The following GABRD variants were observed in gnomAD, a reference collection of about 807,000 sequenced individuals.
GABRD encodes the protein gamma-aminobutyric acid type A receptor subunit delta.
GABRD carries 25 observed loss-of-function variants against 47.3 expected under a neutral mutation model. That is an observed-to-expected ratio of 0.53 (90% CI 0.39 to 0.74). GABRD has a LOEUF of 0.74. Ranked by LOEUF, GABRD falls within the 30% of genes least tolerant of loss-of-function variation. GABRD has a pLI of 0.00. For synonymous variants in GABRD, 314 were observed against 278.8 expected (o/e 1.13, Z -1.26); for missense variants, 497 against 643.4 (o/e 0.77, Z 2.46).
Position 2,024,917 on chromosome 1 carries a change from C to T in GABRD, c.69-25C>T, listed in dbSNP as rs753691300. On this transcript the variant is annotated intron_variant, in intron 1 of 8. Coordinates refer to ENST00000378585, the MANE Select transcript of GABRD (RefSeq NM_000815.5). ...GGAATTAAATTAAGTCCTGGCCTGT[C>T]TGACCGGTGGCTTTGCATCCCCAGA... 5.8e-6 allele frequency: 9 copies of T among 1,541,566 alleles called. No homozygotes were observed. In the Admixed American group the frequency reaches 1.3e-4, roughly 23 times the overall value.
intron 7 of GABRD, 68 bp downstream of exon 7, chr1:2,029,334 C>T (rs1276832855): frequency 1.3e-6 from 2 of 1,493,194 alleles, no homozygotes; most frequent in Non-Finnish European, 1.8e-6. Flanking sequence ...CTCCCCATCC[C>T]TCGGCTGGGG....
intron 4 of GABRD, chr1:2,027,048 T>G (rs1431760025): frequency 1.5e-5 from 3 of 203,928 alleles, no homozygotes; most frequent in African/African-American, 7.2e-5. Context: ...TCTCAGCTAC[T>G]CGGGAGGCTG....
In GABRD at chr1:2,028,103, G is replaced by A. The variant is rs1658978314; in HGVS notation, c.554-52G>A. 1 of 1,579,686 alleles carries A rather than the reference G, an allele frequency of 6.3e-7. No individual in the cohort carries two copies. The highest frequency in any genetic ancestry group is 1.7e-5 in the Admixed American group (1 of 57,902). ...GTGTGGACGGAGCGCTCCTGCCAGG[G>A]CTCCCGGGGCAGGGCCGGGCTCTGC... On this transcript the variant is annotated intron_variant, in intron 5 of 8. Coordinates refer to ENST00000378585, the MANE Select transcript of GABRD (RefSeq NM_000815.5). The surrounding 1 kb of genome is among the most constrained non-coding windows in gnomAD (Gnocchi z 6.4).
rs774201718 is a variant in GABRD, at chr1:2,029,637, G to A, written c.934G>A (p.Val312Ile). 7.7e-5 allele frequency: 124 copies of A among 1,613,472 alleles called. No homozygotes were observed. Among genetic ancestry groups the A allele is most frequent in the Non-Finnish European group, 9.6e-5 (113 of 1,180,000 alleles). ...PRASAIKALD[V>I]YFWICYVFVF... Reference sequence around the variant, plus strand: ...GGCATCAGCCATCAAGGCACTGGACGTCTACTTCTGGATCTGCTATGTCTT... The same window carrying A: ...GGCATCAGCCATCAAGGCACTGGACATCTACTTCTGGATCTGCTATGTCTT... The change falls in exon 8 of 9, where the codon GTC becomes ATC. Residue 312 changes from valine to isoleucine, a missense_variant. This residue lies in a region of GABRD where 285 missense variants were observed against 436.6 expected (regional missense o/e 0.65). Transcript: ENST00000378585.
chr1:2,021,077 G>A (rs1165886844), intron 1 of GABRD, among the ~76,000 whole-genome samples: 1 of 152,222 alleles, frequency 6.6e-6, no homozygotes, highest in Non-Finnish European at 1.5e-5. Flanking sequence ...GGCCCAGCCA[G>A]GAGTGGGGGG....
chr1:2,019,599 C>T (rs1658718646), intron 1 of GABRD, 108 bp downstream of exon 1: 11 of 634,574 alleles, frequency 1.7e-5, no homozygotes, highest in Non-Finnish European at 2.0e-5. Context: ...GGCCCCGGAC[C>T]CCAAGTCTGA....
intron 4 of GABRD, 117 bp from the exon 5 acceptor site, chr1:2,027,460 G>A (rs539385265): frequency 1.3e-6 from 1 of 792,502 alleles, no homozygotes; most frequent in East Asian, 2.7e-5. Context: ...AACACAGTCT[G>A]AGAAGTAGCT....
In GABRD at chr1:2,029,511, A is replaced by G; in HGVS notation, c.848-40A>G. ...ATCAAGGCTGGGATGGGGCGGCGTG[A>G]GGGCAGGGCTACGACAATGGCACCA... On this transcript the variant is annotated intron_variant, in intron 7 of 8. Transcript: ENST00000378585. 3.7e-6 allele frequency: 6 copies of G among 1,604,966 alleles called. No homozygotes were observed. The East Asian group carries it at 1.3e-4, about 36-fold the overall frequency.
chr1:2,030,176 G>T lies in GABRD; in HGVS notation c.1253G>T (p.Arg418Leu). ...GGAGGCCAGGGGGGCATCCGTGCCCGGCTCAGGCCCATCGACGCAGACACC... is the reference window on the plus strand; with the variant it reads ...GGAGGCCAGGGGGGCATCCGTGCCCTGCTCAGGCCCATCGACGCAGACACC... ...RSGGQGGIRA[R>L]LRPIDADTID... Residue 418 changes from arginine (R) to leucine (L), a missense_variant, in exon 9 of 9, where the codon CGG becomes CTG. Transcript: ENST00000378585. 6.4e-7 allele frequency: 1 copy of T among 1,570,284 alleles called. No individual in the cohort carries two copies. Among genetic ancestry groups the T allele is most frequent in the African/African-American group, 1.4e-5 (1 of 73,574 alleles).
rs774300906 is a variant in GABRD, at chr1:2,029,532, C to T, written c.848-19C>T. On this transcript the variant is annotated intron_variant, in intron 7 of 8. Coordinates refer to ENST00000378585, the MANE Select transcript of GABRD (RefSeq NM_000815.5). ...CGTGAGGGCAGGGCTACGACAATGG[C>T]ACCACCTGTGCCCGGCAGGCATCAC... The T allele has an allele frequency of 5.0e-6, 8 of 1,610,828 alleles. No individual in the cohort carries two copies. Among genetic ancestry groups the T allele is most frequent in the Admixed American group, 1.7e-5 (1 of 60,002 alleles).
chr1:2,028,347 CCCA>C lies in GABRD; in HGVS notation c.691+58_691+60del, dbSNP rs1158914775. On this transcript the variant is annotated intron_variant, in intron 6 of 8. Transcript: ENST00000378585. The surrounding 1 kb of genome is among the most constrained non-coding windows in gnomAD (Gnocchi z 6.4). ...GTGCCCGCCGCCCCTTCCGCGCGCG[CCCA>C]CCGCCCCTTCCGCGCGCGCCCACCG... 4 of 1,505,692 alleles carry C rather than the reference CCCA, an allele frequency of 2.7e-6. No homozygotes were observed. In the African/African-American group the frequency reaches 4.3e-5, roughly 16 times the overall value. 93.3% of individuals were successfully genotyped at this position (1,505,692 alleles called of 1,614,324 possible).
intron 8 of GABRD, 78 bp downstream of exon 8, chr1:2,029,840 T>A: frequency 6.6e-7 from 1 of 1,516,980 alleles, no homozygotes; most frequent in Non-Finnish European, 9.1e-7. Flanking sequence ...CAGCCCACTG[T>A]GGGTCCCAGC....
chr1:2,024,701 T>A, intron 1 of GABRD: 1 of 375,930 alleles, frequency 2.7e-6, no homozygotes, highest in East Asian at 4.5e-5. Flanking sequence ...AAGTGGGCAC[T>A]GAGGCCGGAG....
At chr1:2,023,639 CG>C (rs1658842956) in intron 1 of GABRD, 3 of 152,158 alleles carry the variant, frequency 2.0e-5, no homozygotes, top group Admixed American at 2.0e-4. Flanking sequence ...ACTCAGGTCC[CG>C]GCCCCTCAAC....
chr1:2,020,286 G>T (rs1164016400), intron 1 of GABRD, among the ~76,000 whole-genome samples: 1 of 152,234 alleles, frequency 6.6e-6, no homozygotes, highest in Admixed American at 6.5e-5. Flanking sequence ...CTGGCTGGCC[G>T]CCTTCCCTAG....
At position 2,029,541 on chromosome 1, in the gene GABRD, T is replaced by C; in HGVS notation, c.848-10T>C. ...AGGGCTACGACAATGGCACCACCTG[T>C]GCCCGGCAGGCATCACCACGGTGCT... On this transcript the variant is annotated splice_polypyrimidine_tract_variant and intron_variant, in intron 7 of 8. Coordinates refer to ENST00000378585, the MANE Select transcript of GABRD (RefSeq NM_000815.5). 1 of 1,611,890 alleles carries C rather than the reference T, an allele frequency of 6.2e-7. No individual in the cohort carries two copies. The highest frequency in any genetic ancestry group is 8.5e-7 in the Non-Finnish European group (1 of 1,179,900).
chr1:2,027,960 G>A, intron 5 of GABRD, 195 bp from the exon 6 acceptor site: 1 of 631,832 alleles, frequency 1.6e-6, no homozygotes, highest in Non-Finnish European at 2.8e-6. Flanking sequence ...CCCCATCTGT[G>A]TCCCATCCAC....
chr1:2,027,206 A>G (rs1658950957), intron 4 of GABRD: 1 of 345,064 alleles, frequency 2.9e-6, no homozygotes, highest in Non-Finnish European at 5.6e-6. Context: ...AGGAATTTAA[A>G]TATTTGACCT....
chr1:2,028,317 C>T lies in GABRD; in HGVS notation c.691+25C>T, dbSNP rs201253703. ...GGTAACATATGCCCGCCGCCCCTTC[C>T]GCATGTGCCCGCCGCCCCTTCCGCG... On this transcript the variant is annotated intron_variant, in intron 6 of 8. Transcript: ENST00000378585. The surrounding 1 kb of genome is among the most constrained non-coding windows in gnomAD (Gnocchi z 6.4). 1.4e-4 allele frequency: 217 copies of T among 1,594,426 alleles called. 1 individual carries two copies. The East Asian group carries it at 3.1e-3, about 23-fold the overall frequency.
Sources: allele counts gnomAD v4.1 joint callset (sites outside exome capture counted in the v4.1 genomes callset), GRCh38; gene constraint gnomAD v4.1.1; regional missense constraint gnomAD v4.1.1; non-coding constraint Gnocchi (gnomAD v3.1); transcripts MANE v1.5; gene names NCBI Gene and HGNC (gene_info 2026-07-23, HGNC 2026-07-21).